The following DLG2 variants were observed in gnomAD, a reference collection of about 807,000 sequenced individuals.
DLG2 encodes the protein disks large homolog 2.
A neutral mutation model predicts 132.5 loss-of-function variants in DLG2; 45 were observed. The observed-to-expected ratio is 0.34, with a 90% CI of 0.27 to 0.44. The LOEUF (loss-of-function observed/expected upper bound fraction) is 0.44. Ranked by LOEUF, DLG2 falls within the 20% of genes least tolerant of loss-of-function variation. The probability of loss-of-function intolerance (pLI) is 1.00; values close to 1 mark genes in which losing one functional copy is unlikely to be tolerated. For missense variants in DLG2, 1,045 were observed against 1,196.9 expected (o/e 0.87, Z 1.87); for synonymous variants, 424 against 419.6 (o/e 1.01, Z -0.13).
At chr11:83,642,783 A>AATC (rs1402648067) in intron 18 of DLG2, among the ~76,000 whole-genome samples, 1 of 152,154 alleles carries the variant, frequency 6.6e-6, no homozygotes, top group African/African-American at 2.4e-5. Context: ...TTCATGTTTG[A>AATC]ATCATAAGTT....
rs1253520218 is a variant in DLG2 at position 83,842,831 on chromosome 11, AAAG to A, written c.1566-9064_1566-9062del. On this transcript the variant is annotated intron_variant, in intron 16 of 27. Transcript: ENST00000376104. ...ACTCTGTCTCCAAAAAAAAAAAAAA[AAAG>A]AAGGAAAATTACTACTTACACTGAA... Among the ~76,000 whole-genome samples the A allele has an allele frequency of 6.7e-4, 100 of 148,742 alleles. 2 individuals are homozygous for A. Among genetic ancestry groups the A allele is most frequent in the African/African-American group, 2.0e-3 (81 of 40,700 alleles).
chr11:84,092,230 T>A (rs1312053877), intron 10 of DLG2, among the ~76,000 whole-genome samples: 1 of 152,232 alleles, frequency 6.6e-6, no homozygotes, highest in African/African-American at 2.4e-5. Context: ...CATCTTAGAA[T>A]TTTGCCTACC....
intron 15 of DLG2, among the ~76,000 whole-genome samples, chr11:83,917,295 T>C (rs2077066039): frequency 6.6e-6 from 1 of 152,174 alleles, no homozygotes; most frequent in African/African-American, 2.4e-5. Context: ...TTTATTACCT[T>C]TTACAGAGTC....
At chr11:85,186,634 A>G (rs375538304) in intron 4 of DLG2, among the ~76,000 whole-genome samples, 3 of 152,266 alleles carry the variant, frequency 2.0e-5, no homozygotes, top group Admixed American at 6.5e-5. Context: ...AAGACAGAAC[A>G]TAGATACGTA....
At chr11:83,873,254 C>T (rs1260334458) in intron 16 of DLG2, among the ~76,000 whole-genome samples, 1 of 152,134 alleles carries the variant, frequency 6.6e-6, no homozygotes, top group Non-Finnish European at 1.5e-5. Context: ...AAATACCTAT[C>T]TTGTAGGACT....
At chr11:83,782,790 G>C (rs1594276906) in intron 18 of DLG2, among the ~76,000 whole-genome samples, 1 of 152,142 alleles carries the variant, frequency 6.6e-6, no homozygotes, top group East Asian at 1.9e-4. Context: ...TAGTGCACAG[G>C]GATCTTGGTG....
chr11:83,883,848 A>G (rs920562072), intron 15 of DLG2, among the ~76,000 whole-genome samples: 2 of 152,176 alleles, frequency 1.3e-5, no homozygotes, highest in African/African-American at 2.4e-5. Flanking sequence ...CTTCACAAAG[A>G]AAATGAAAAA....
At chr11:84,433,668 T>C (rs1328391478) in intron 7 of DLG2, among the ~76,000 whole-genome samples, 2 of 152,206 alleles carry the variant, frequency 1.3e-5, no homozygotes, top group Non-Finnish European at 2.9e-5. Flanking sequence ...TCACCTAACA[T>C]CTTTGACTTT....
chr11:83,807,482 C>T (rs2046204257), intron 17 of DLG2, among the ~76,000 whole-genome samples: 1 of 152,150 alleles, frequency 6.6e-6, no homozygotes, highest in South Asian at 2.1e-4. Flanking sequence ...AGCTGCAAAG[C>T]CACAATCCAT....
At chr11:83,622,347 G>A (rs79603328) in intron 19 of DLG2, among the ~76,000 whole-genome samples, 1 of 152,158 alleles carries the variant, frequency 6.6e-6, no homozygotes, top group East Asian at 1.9e-4. Context: ...GCTCTTTAAT[G>A]TGGGAATTCA....
At chr11:85,475,003 A>C (rs1023222745) in intron 3 of DLG2, among the ~76,000 whole-genome samples, 1 of 151,492 alleles carries the variant, frequency 6.6e-6, no homozygotes, top group Non-Finnish European at 1.5e-5. Context: ...AAAGAGTAGA[A>C]AATAATAAAA....
At chr11:85,264,659 T>C (rs1364964078) in intron 4 of DLG2, among the ~76,000 whole-genome samples, 1 of 152,110 alleles carries the variant, frequency 6.6e-6, no homozygotes, top group African/African-American at 2.4e-5. Context: ...AAAGCCAAGA[T>C]AACAGCACCG....
Position 83,539,908 on chromosome 11 carries a change from C to T in DLG2, c.2117+1774G>A, listed in dbSNP as rs182939915. Reference sequence around the variant, plus strand: ...AAAAATGATGAGCTAATTGAACAAACAAATGACTTGATAAGATTGGTTAGA... The same window carrying T: ...AAAAATGATGAGCTAATTGAACAAATAAATGACTTGATAAGATTGGTTAGA... On this transcript the variant is annotated intron_variant, in intron 20 of 27. Transcript: ENST00000376104. Among the ~76,000 whole-genome samples the T allele has an allele frequency of 2.5e-3, 378 of 152,212 alleles. 1 individual carries two copies. The highest frequency in any genetic ancestry group is 3.5e-3 in the Non-Finnish European group (241 of 67,992).
At chr11:84,202,499 C>T (rs1368635190) in intron 8 of DLG2, among the ~76,000 whole-genome samples, 11 of 151,946 alleles carry the variant, frequency 7.2e-5, no homozygotes, top group Non-Finnish European at 1.3e-4. Flanking sequence ...ATGTAAAACC[C>T]AAAACTATAA....
chr11:85,447,196 T>G (rs1468676259), intron 3 of DLG2, among the ~76,000 whole-genome samples: 1 of 152,172 alleles, frequency 6.6e-6, no homozygotes, highest in Non-Finnish European at 1.5e-5. Context: ...AGCTTTCACT[T>G]CTTTATTTAA....
chr11:83,581,948 C>CTTTTTTTTTTTTTTTTTTTTTT, intron 19 of DLG2, among the ~76,000 whole-genome samples: 1 of 52,634 alleles, frequency 1.9e-5, no homozygotes, highest in Non-Finnish European at 3.1e-5. Flanking sequence ...AGTTTGGACT[C>CTTTTTTTTTTTTTTTTTTTTTT]TTTTTTTTTT....
rs539568008 is a variant in DLG2 at position 85,545,145 on chromosome 11, G to A, written c.40+53512C>T. Among the ~76,000 whole-genome samples, 102 of 151,000 alleles carry A rather than the reference G, an allele frequency of 6.8e-4. 1 individual carries two copies. Among genetic ancestry groups the A allele is most frequent in the African/African-American group, 2.5e-3 (101 of 41,066 alleles). On this transcript the variant is annotated intron_variant, in intron 3 of 27. Coordinates refer to ENST00000376104, the MANE Select transcript of DLG2 (RefSeq NM_001142699.3). ...GTGGGTTTGTCATAAATAGCTCTTA[G>A]TATTTTGAGCTACGTTCCATCAATA...
chr11:83,681,133 T>C (rs1038435613), intron 18 of DLG2, among the ~76,000 whole-genome samples: 12 of 152,146 alleles, frequency 7.9e-5, no homozygotes, highest in African/African-American at 2.7e-4. Flanking sequence ...CCTCTCCATA[T>C]ATAATATGCC....
At chr11:83,859,977 C>A (rs113529577) in intron 16 of DLG2, among the ~76,000 whole-genome samples, 175 of 152,318 alleles carry the variant, frequency 1.1e-3, no homozygotes, top group African/African-American at 3.9e-3. Context: ...TGGCAGCTTC[C>A]ATGTGGTGTT....
Sources: gnomAD v4.1 joint callset for allele counts (sites outside exome capture counted in the v4.1 genomes callset) on GRCh38, gnomAD v4.1.1 for gene constraint, MANE v1.5 for transcripts, NCBI Gene and HGNC (gene_info 2026-07-23, HGNC 2026-07-21) for gene names.